The following SCAF4 variants were observed in gnomAD, a reference collection of about 807,000 sequenced individuals.
SCAF4 encodes SR-related CTD associated factor 4.
Under a neutral mutation model 129.8 loss-of-function variants are expected in SCAF4, and 25 were observed. That is an observed-to-expected ratio of 0.19 (90% CI 0.14 to 0.27). The LOEUF (loss-of-function observed/expected upper bound fraction) is 0.27. Among genes scored for constraint, SCAF4 ranks in the 10% least tolerant of loss-of-function variants. The pLI is 1.00. For missense variants in SCAF4, 1,246 were observed against 1,457.1 expected, an observed-to-expected ratio of 0.86 and a Z score of 2.36; for synonymous variants, 551 against 497.7, an observed-to-expected ratio of 1.11 and a Z score of -1.43.
chr21:31,697,898 C>A (rs1268874053), intron 7 of SCAF4, among the ~76,000 whole-genome samples: 1 of 152,208 alleles, frequency 6.6e-6, no homozygotes, highest in Admixed American at 6.5e-5. Flanking sequence ...TGAACAGGAA[C>A]CATCACAGCC....
chr21:31,706,523 C>A, intron 1 of SCAF4, 166 bp from the exon 2 acceptor site: 1 of 598,278 alleles, frequency 1.7e-6, no homozygotes, highest in Non-Finnish European at 3.0e-6. Flanking sequence ...TGGCCAGGCA[C>A]CCAGCACACA....
Position 31,685,656 on chromosome 21 carries a change from C to T in SCAF4, c.2121G>A (p.Pro707=), listed in dbSNP as rs752639758. The change falls in exon 17 of 20, where the codon CCG becomes CCA. Residue 707 remains proline, a synonymous_variant. Coordinates refer to ENST00000286835, the MANE Select transcript of SCAF4 (RefSeq NM_020706.2). ...GAACACCAGGACCAAAGCCTGGAGG[C>T]GGTATTCCCAGAGGAGGCGTGAAAG... ...PPAFTPPLGI[P]PPGFGPGVPP... The T allele has an allele frequency of 2.5e-6, 4 of 1,613,500 alleles. No individual in the cohort carries two copies. Among genetic ancestry groups the T allele is most frequent in the Admixed American group, 3.3e-5 (2 of 59,952 alleles).
intron 5 of SCAF4, 117 bp downstream of exon 5, chr21:31,702,127 G>A: frequency 7.1e-7 from 1 of 1,415,614 alleles, no homozygotes; most frequent in Non-Finnish European, 9.8e-7. Context: ...TACCTTCCAA[G>A]ATGTAAACTC....
Position 31,673,604 on chromosome 21 carries a change from C to T in SCAF4, c.2489-1250G>A, listed in dbSNP as rs80224006. ...GAACAAGTACAGGACACCAGCTACA[C>T]TGTATCTCAGATAGAAATAAAACAC... On this transcript the variant is annotated intron_variant, in intron 19 of 19. Transcript: ENST00000286835. 3.0e-3 allele frequency among the ~76,000 whole-genome samples: 455 copies of T among 152,334 alleles called. 4 individuals carry two copies. Among genetic ancestry groups the T allele is most frequent in the African/African-American group, 0.01 (432 of 41,578 alleles).
intron 14 of SCAF4, 52 bp downstream of exon 14, chr21:31,691,765 T>C (rs1174004529): frequency 2.4e-6 from 2 of 850,692 alleles, no homozygotes; most frequent in African/African-American, 1.8e-5. Context: ...CACATATTTT[T>C]CCCCTTCTGC....
At chr21:31,694,679 G>T in intron 10 of SCAF4, 134 bp downstream of exon 10, 1 of 816,368 alleles carries the variant, frequency 1.2e-6, no homozygotes, top group Non-Finnish European at 2.0e-6. Flanking sequence ...AAAACCTGGA[G>T]CACTGAGAGG....
intron 6 of SCAF4, among the ~76,000 whole-genome samples, chr21:31,701,463 T>C (rs1183280877): frequency 6.6e-6 from 1 of 152,090 alleles, no homozygotes; most frequent in Non-Finnish European, 1.5e-5. Context: ...TCTAGAAAAA[T>C]GGAAAAATTC....
intron 19 of SCAF4, among the ~76,000 whole-genome samples, chr21:31,678,615 A>AG (rs1224084470): frequency 6.6e-6 from 1 of 152,010 alleles, no homozygotes; most frequent in Non-Finnish European, 1.5e-5. Flanking sequence ...CTCTAAGCTC[A>AG]TCTCCTGCCA....
chr21:31,712,835 C>T, intron 1 of SCAF4: 2 of 942,242 alleles, frequency 2.1e-6, no homozygotes, highest in Non-Finnish European at 2.5e-6. Context: ...TGGCCTGATT[C>T]TCCCATTTTT....
chr21:31,723,111 A>G (rs559723519), intron 1 of SCAF4, among the ~76,000 whole-genome samples: 1 of 152,350 alleles, frequency 6.6e-6, no homozygotes, highest in East Asian at 1.9e-4. Context: ...AACATTTTGT[A>G]ATTAAAATTA....
intron 1 of SCAF4, among the ~76,000 whole-genome samples, chr21:31,723,629 T>TGTGTGTGTGTGTGTGTGTGCGCGC (rs1271033175): frequency 4.0e-5 from 6 of 149,000 alleles, no homozygotes; most frequent in African/African-American, 1.2e-4. Flanking sequence ...TGTGTGTGTG[T>TGTGTGTGTGTGTGTGTGTGCGCGC]GCGCGCGCGC....
rs377692114 is a variant in SCAF4 at position 31,693,408 on chromosome 21, T to C, written c.1399A>G (p.Arg467Gly). Residue 467 changes from arginine (R) to glycine (G), a missense_variant, in exon 12 of 20, where the codon AGG (arginine) becomes GGG (glycine). Coordinates refer to ENST00000286835, the MANE Select transcript of SCAF4 (RefSeq NM_020706.2). ...CGGGGAGAATGTCGGCGTCTATCCC[T>C]GGACCGAGATCGAGAACGTCGATGC... ...SRHRRSRSRSRDRRRHSPRSR... is the reference protein window; with the variant it reads ...SRHRRSRSRSGDRRRHSPRSR... The C allele has an allele frequency of 6.3e-6, 10 of 1,576,280 alleles. No homozygotes were observed. The highest frequency in any genetic ancestry group is 4.1e-5 in the African/African-American group (3 of 73,958).
At chr21:31,727,670 T>A (rs543734562) in intron 1 of SCAF4, among the ~76,000 whole-genome samples, 10 of 152,108 alleles carry the variant, frequency 6.6e-5, no homozygotes, top group Admixed American at 4.6e-4. Flanking sequence ...TGTGCTCCTG[T>A]AGTCCCAGCT....
At chr21:31,725,521 CCATGAATATA>C in intron 1 of SCAF4, among the ~76,000 whole-genome samples, 1 of 152,254 alleles carries the variant, frequency 6.6e-6, no homozygotes. Flanking sequence ...TTAAAGATAA[CCATGAATATA>C]CAAGTACTCG....
At chr21:31,717,951 ATATT>A (rs2050978630) in intron 1 of SCAF4, among the ~76,000 whole-genome samples, 1 of 145,016 alleles carries the variant, frequency 6.9e-6, no homozygotes, top group Non-Finnish European at 1.5e-5. Context: ...ACACACATAT[ATATT>A]TTTTTGAGAT....
At chr21:31,729,276 T>A (rs2051287079) in intron 1 of SCAF4, among the ~76,000 whole-genome samples, 1 of 152,174 alleles carries the variant, frequency 6.6e-6, no homozygotes, top group Non-Finnish European at 1.5e-5. Flanking sequence ...ACTACTGCCC[T>A]TCGATCACTG....
chr21:31,706,186 A>AT (rs1364889976), intron 2 of SCAF4, 88 bp downstream of exon 2: 1 of 876,194 alleles, frequency 1.1e-6, no homozygotes, highest in Non-Finnish European at 1.8e-6. Flanking sequence ...GCCTGAACTA[A>AT]TTCACAAGTT....
chr21:31,693,261 G>C, intron 12 of SCAF4, 33 bp downstream of exon 12: 1 of 1,370,090 alleles, frequency 7.3e-7, no homozygotes. Context: ...TGAAAAAATA[G>C]TACATGAGGT....
At position 31,730,142 on chromosome 21, in the gene SCAF4, T is replaced by C. The variant is rs572572267; in HGVS notation, c.30+1521A>G. ...ATTATTTGCGAGGCACCTGTTTTGA[T>C]TGGTAGAGAAGCGGGGAAAAGAACT... On this transcript the variant is annotated intron_variant, in intron 1 of 19. Coordinates refer to ENST00000286835, the MANE Select transcript of SCAF4 (RefSeq NM_020706.2). Among the ~76,000 whole-genome samples, 6 of 152,340 alleles carry C rather than the reference T, an allele frequency of 3.9e-5. No individual in the cohort carries two copies. The South Asian group carries it at 6.2e-4, about 16-fold the overall frequency.
Sources: allele counts gnomAD v4.1 joint callset (sites outside exome capture counted in the v4.1 genomes callset), GRCh38; gene constraint gnomAD v4.1.1; transcripts MANE v1.5; gene names NCBI Gene and HGNC (gene_info 2026-07-23, HGNC 2026-07-21).